EPHA10: variants seen among roughly 807,000 people sequenced by gnomAD.
EPHA10 encodes the protein EPH receptor A10.
In EPHA10, 120 loss-of-function variants were observed where a neutral mutation model predicts 109.7. That is an observed-to-expected ratio of 1.09 (90% CI 0.94 to 1.27). The LOEUF (loss-of-function observed/expected upper bound fraction) is 1.27. Ranked by LOEUF, EPHA10 falls within the 50% of genes most tolerant of loss-of-function variation. The pLI is 0.00. For synonymous variants in EPHA10, 640 were observed against 618.9 expected, an observed-to-expected ratio of 1.03 and a Z score of -0.51; for missense variants, 1,396 against 1,411.1, an observed-to-expected ratio of 0.99 and a Z score of 0.17.
At chr1:37,730,374 G>A (rs2148328185) in intron 7 of EPHA10, among the ~76,000 whole-genome samples, 2 of 152,276 alleles carry the variant, frequency 1.3e-5, no homozygotes, top group South Asian at 4.2e-4. Context: ...CTCTTAGGGG[G>A]AACTGCCTTT....
intron 5 of EPHA10, among the ~76,000 whole-genome samples, chr1:37,750,198 T>C (rs1646302124): frequency 6.6e-6 from 1 of 152,198 alleles, no homozygotes. Context: ...TTTTTAAAAA[T>C]GTGATCCTTT....
In EPHA10 at chr1:37,751,201, C is replaced by CAAAAA. The variant is rs1320111085; in HGVS notation, c.1357+1670_1357+1674dup. Among the ~76,000 whole-genome samples, 58 of 46,032 alleles carry CAAAAA rather than the reference C, an allele frequency of 1.3e-3. 1 individual carries two copies. The highest frequency in any genetic ancestry group is 3.3e-3 in the South Asian group (3 of 914). The allele number at this position is 46,032 out of a possible 152,430, so 30.2% of individuals were successfully genotyped here. ...CTGGGCAACAGAGCGAGACTCCTCT[C>CAAAAA]AAAAAAAAAAAAAAAAGAAAGAAAG... is the stretch of plus-strand genomic sequence containing the variant. On this transcript the variant is annotated intron_variant, in intron 5 of 16. Transcript: ENST00000373048.
chr1:37,719,551 G>A lies in EPHA10; in HGVS notation c.2619C>T (p.Asn873=). The change falls in exon 15 of 17, where the codon AAC becomes AAT. Residue 873 remains asparagine (N), a synonymous_variant. Transcript: ENST00000373048. ...AGTCGAGCATTAGTCGGTGCAGAAGGTTAGGACAGTTCCTGGGGGGTGGCA... is the reference window on the plus strand; with the variant it reads ...AGTCGAGCATTAGTCGGTGCAGAAGATTAGGACAGTTCCTGGGGGGTGGCA... ...FRLPPPRNCP[N]LLHRLMLDCW... 6.2e-7 allele frequency: 1 copy of A among 1,613,966 alleles called. No homozygotes were observed. Among genetic ancestry groups the A allele is most frequent in the South Asian group, 1.1e-5 (1 of 91,072 alleles).
In EPHA10 at chr1:37,718,449, G is replaced by C. The variant is rs41267333; in HGVS notation, c.2950C>G (p.Arg984Gly). The C allele has an allele frequency of 2.5e-6, 4 of 1,613,420 alleles. No homozygotes were observed. The highest frequency in any genetic ancestry group is 2.5e-6 in the Non-Finnish European group (3 of 1,180,004). ...VSLGISLAEH[R>G]EALLSGISAL... The stretch of plus-strand genomic sequence containing the variant: ...CTGATCCCGCTGAGGAGGGCCTCTC[G>C]ATGTTCAGCCAAAGAGATGCCTAGG... Residue 984 changes from arginine to glycine, a missense_variant, in exon 17 of 17, where the codon CGA (arginine) becomes GGA (glycine). Coordinates refer to ENST00000373048, the MANE Select transcript of EPHA10 (RefSeq NM_001099439.2).
rs1218258630 is a variant in EPHA10 at position 37,717,927 on chromosome 1, A to C, written c.*445T>G. 8.3e-6 allele frequency: 2 copies of C among 241,254 alleles called. No homozygotes were observed. The highest frequency in any genetic ancestry group is 1.6e-5 in the Non-Finnish European group (2 of 122,616). 14.9% of individuals were successfully genotyped at this position (241,254 alleles called of 1,614,324 possible). ...GCTGCAGTCACTGCCAGGTAGAAGA[A>C]GACCCCCCCAGGACCCACGCTGTCT... On this transcript the variant is annotated 3_prime_UTR_variant, in exon 17 of 17. Transcript: ENST00000373048.
intron 5 of EPHA10, among the ~76,000 whole-genome samples, chr1:37,736,476 CAA>C (rs543417433): frequency 1.7e-5 from 1 of 57,840 alleles, no homozygotes; most frequent in Non-Finnish European, 3.0e-5. Flanking sequence ...AATTCTGTCT[CAA>C]AAAAAAAAAA....
intron 3 of EPHA10, among the ~76,000 whole-genome samples, chr1:37,759,380 A>G (rs548242191): frequency 8.5e-5 from 13 of 152,120 alleles, no homozygotes; most frequent in Non-Finnish European, 1.3e-4. Context: ...ATCCTTCTGC[A>G]TGCAATTCCT....
At position 37,764,996 on chromosome 1, in the gene EPHA10, A is replaced by G. The variant is rs538724455; in HGVS notation, c.71T>C (p.Leu24Pro). 6.2e-7 allele frequency: 1 copy of G among 1,611,016 alleles called. No individual in the cohort carries two copies. Among genetic ancestry groups the G allele is most frequent in the South Asian group, 1.1e-5 (1 of 90,452 alleles). The change falls in exon 1 of 17, where the codon CTT becomes CCT. Residue 24 changes from leucine (L) to proline (P), a missense_variant. Leu to Pro is a moderately conservative substitution (Grantham distance 98, BLOSUM62 -3). Transcript: ENST00000373048. This position sits in a 1 kb window ranked among gnomAD's most constrained non-coding sequence, Gnocchi z 5.8. ...LCRMQLCLAL[L>P]LGPWRPGTAE... Reference sequence around the variant, plus strand: ...GGTCCCAGGCCGCCAGGGTCCCAAAAGCAGCGCGAGACAGAGCTGCATCCG... The same window carrying G: ...GGTCCCAGGCCGCCAGGGTCCCAAAGGCAGCGCGAGACAGAGCTGCATCCG...
intron 3 of EPHA10, among the ~76,000 whole-genome samples, chr1:37,759,256 A>T (rs1557559517): frequency 6.6e-6 from 1 of 152,048 alleles, no homozygotes; most frequent in Non-Finnish European, 1.5e-5. Context: ...GCCTTTCATG[A>T]TTTCCACCTG....
intron 6 of EPHA10, 72 bp from the exon 7 acceptor site, chr1:37,731,654 G>C: frequency 6.8e-7 from 1 of 1,462,064 alleles, no homozygotes; most frequent in Non-Finnish European, 9.1e-7. Context: ...GGGTGAACAG[G>C]AACAGGGAGG....
rs553845364 is a variant in EPHA10 at position 37,723,313 on chromosome 1, T to C, written c.1832A>G (p.His611Arg). The change falls in exon 9 of 17, where the codon CAC becomes CGC. Residue 611 changes from histidine (H) to arginine (R), a missense_variant and splice_region_variant. By Grantham distance (29) the His-to-Arg change is conservative. Coordinates refer to ENST00000373048, the MANE Select transcript of EPHA10 (RefSeq NM_001099439.2). ...DAHDEEELYF[H>R]FKVPTRRTFL... ...CCAGCCAGGCCCAGCCAACTCACAG[T>C]GGAAATACAGCTCCTCTTCATCATG... The C allele has an allele frequency of 4.7e-5, 76 of 1,613,996 alleles. No homozygotes were observed. The South Asian group carries it at 7.9e-4, about 17-fold the overall frequency.
chr1:37,740,209 A>C (rs548960559), intron 5 of EPHA10, among the ~76,000 whole-genome samples: 5 of 152,334 alleles, frequency 3.3e-5, no homozygotes, highest in Non-Finnish European at 7.3e-5. Flanking sequence ...AGTAAAAAAA[A>C]TGTTGCCCAG....
At position 37,720,383 on chromosome 1, in the gene EPHA10, G is replaced by T; in HGVS notation, c.2380C>A (p.Arg794=). ...CKISGFGRGP[R]DRSEAVYTTM... ...GTGTAGACAGCCTCTGATCGGTCCCGGGGGCCCCGCCCGAAGCCAGAGATC... is the reference window on the plus strand; with the variant it reads ...GTGTAGACAGCCTCTGATCGGTCCCTGGGGCCCCGCCCGAAGCCAGAGATC... Residue 794 remains arginine, a synonymous_variant, in exon 13 of 17, where the codon CGG becomes AGG. Transcript: ENST00000373048. 6.2e-7 allele frequency: 1 copy of T among 1,611,936 alleles called. No individual in the cohort carries two copies. Among genetic ancestry groups the T allele is most frequent in the East Asian group, 2.2e-5 (1 of 44,854 alleles).
chr1:37,748,510 C>A (rs970340802), intron 5 of EPHA10, among the ~76,000 whole-genome samples: 9 of 152,256 alleles, frequency 5.9e-5, no homozygotes, highest in African/African-American at 1.9e-4. Context: ...TTTCCAGATA[C>A]CTTTACCAAA....
intron 7 of EPHA10, among the ~76,000 whole-genome samples, chr1:37,731,009 G>A (rs947859118): frequency 6.6e-6 from 1 of 152,054 alleles, no homozygotes; most frequent in African/African-American, 2.4e-5. Context: ...TTATTTTTGT[G>A]TTTATCACTG....
intron 3 of EPHA10, chr1:37,761,088 T>TAAAAA (rs375615094): frequency 6.6e-5 from 63 of 950,074 alleles, no homozygotes; most frequent in Non-Finnish European, 7.6e-5. Flanking sequence ...ACTCCTTATT[T>TAAAAA]TAAAAAAAAA....
intron 3 of EPHA10, among the ~76,000 whole-genome samples, chr1:37,759,565 C>T (rs1197514858): frequency 1.3e-5 from 2 of 152,140 alleles, no homozygotes; most frequent in East Asian, 1.9e-4. Flanking sequence ...GAACACCTAC[C>T]GTATGCCTTA....
rs909187761 is a variant in EPHA10 at position 37,718,221 on chromosome 1, C to T, written c.*151G>A. On this transcript the variant is annotated 3_prime_UTR_variant, in exon 17 of 17. Coordinates refer to ENST00000373048, the MANE Select transcript of EPHA10 (RefSeq NM_001099439.2). ...AAATGGGAGGGGCAGGCAGTGAAAG[C>T]GGGGAAGCTGTGGCCCCACCAGATC... The T allele has an allele frequency of 2.4e-5, 16 of 669,440 alleles. No homozygotes were observed. The highest frequency in any genetic ancestry group is 1.1e-4 in the African/African-American group (6 of 54,994). 41.5% of individuals were successfully genotyped at this position (669,440 alleles called of 1,614,324 possible).
intron 5 of EPHA10, among the ~76,000 whole-genome samples, chr1:37,743,913 G>A (rs2148349630): frequency 6.6e-6 from 1 of 152,184 alleles, no homozygotes; most frequent in Middle Eastern, 3.4e-3. Flanking sequence ...GATATATAAA[G>A]ACAGAGAGAG....
Sources: gnomAD v4.1 joint callset for allele counts (sites outside exome capture counted in the v4.1 genomes callset) on GRCh38, gnomAD v4.1.1 for gene constraint, Gnocchi (gnomAD v3.1) non-coding constraint, MANE v1.5 for transcripts, NCBI Gene and HGNC (gene_info 2026-07-23, HGNC 2026-07-21) for gene names.